PSD3: variants seen among roughly 807,000 people sequenced by gnomAD.
The protein encoded by PSD3 is PH and SEC7 domain-containing protein 3.
In PSD3, 49 loss-of-function variants were observed where a neutral mutation model predicts 105.5. The ratio of observed to expected loss-of-function variants is 0.46; its 90% confidence interval spans 0.37 to 0.59. The LOEUF (loss-of-function observed/expected upper bound fraction) is 0.59. Ranked by LOEUF, PSD3 falls within the 20% of genes least tolerant of loss-of-function variation. The pLI is 0.00. For synonymous variants in PSD3, 557 were observed against 457.8 expected, an observed-to-expected ratio of 1.22 and a Z score of -2.77; for missense variants, 1,561 against 1,263.8, an observed-to-expected ratio of 1.24 and a Z score of -3.57.
chr8:18,900,628 C>A (rs1417528356), intron 2 of PSD3, among the ~76,000 whole-genome samples: 1 of 149,024 alleles, frequency 6.7e-6, no homozygotes, highest in Non-Finnish European at 1.5e-5. Context: ...TACACAAAAA[C>A]CATGAGAGAC....
intron 8 of PSD3, among the ~76,000 whole-genome samples, chr8:18,779,330 C>G (rs990131096): frequency 6.6e-6 from 1 of 151,378 alleles, no homozygotes; most frequent in Non-Finnish European, 1.5e-5. Context: ...TTTGTGTCTT[C>G]TTTTTTAATC....
intron 8 of PSD3, among the ~76,000 whole-genome samples, chr8:18,797,337 G>T (rs886886720): frequency 5.3e-5 from 8 of 152,028 alleles, no homozygotes; most frequent in African/African-American, 1.9e-4. Flanking sequence ...CAGTAATTTT[G>T]CCACGACTGC....
At chr8:18,951,372 A>T (rs1295704374) in intron 1 of PSD3, among the ~76,000 whole-genome samples, 3 of 152,186 alleles carry the variant, frequency 2.0e-5, no homozygotes, top group Non-Finnish European at 4.4e-5. Context: ...ACCGCACTTC[A>T]GCCTGGGTGA....
intron 1 of PSD3, among the ~76,000 whole-genome samples, chr8:18,974,745 A>G (rs1247348113): frequency 6.6e-6 from 1 of 151,966 alleles, no homozygotes. Context: ...TTCAGAATCA[A>G]TGATCAGGCT....
At chr8:19,035,994 A>G (rs1362866963) in intron 1 of PSD3, among the ~76,000 whole-genome samples, 6 of 152,092 alleles carry the variant, frequency 3.9e-5, no homozygotes, top group Non-Finnish European at 8.8e-5. Flanking sequence ...GACTCAAGTG[A>G]TCTGCATGCC....
rs527584194 is a variant in PSD3 at position 18,641,293 on chromosome 8, C to T, written c.2217-8487G>A. ...GGAAGCAATGCTTGGGAACTGGTAT[C>T]CCTGGGCATCAGGGCCAGCTGAGTA... is the stretch of plus-strand genomic sequence containing the variant. On this transcript the variant is annotated intron_variant, in intron 10 of 15. Coordinates refer to ENST00000327040, the MANE Select transcript of PSD3 (RefSeq NM_015310.4). Among the ~76,000 whole-genome samples the T allele has an allele frequency of 2.0e-5, 3 of 152,264 alleles. No homozygotes were observed. In the East Asian group the frequency reaches 5.8e-4, roughly 29 times the overall value.
chr8:18,889,815 G>A (rs1818672456), intron 2 of PSD3, among the ~76,000 whole-genome samples: 1 of 152,104 alleles, frequency 6.6e-6, no homozygotes, highest in African/African-American at 2.4e-5. Flanking sequence ...ACAAAATTTT[G>A]GGAGGAACAA....
intron 4 of PSD3, among the ~76,000 whole-genome samples, chr8:18,837,924 C>CG (rs1814254238): frequency 1.8e-5 from 2 of 112,792 alleles, no homozygotes; most frequent in Non-Finnish European, 3.9e-5. Flanking sequence ...TTGAAGATGC[C>CG]AGTTGTCTAT....
intron 14 of PSD3, 67 bp from the exon 15 acceptor site, chr8:18,556,419 C>T: frequency 6.6e-7 from 1 of 1,508,358 alleles, no homozygotes. Flanking sequence ...GCACAGCATA[C>T]TTTAAAAAAT....
chr8:18,879,561 T>C (rs1332293657), intron 2 of PSD3, among the ~76,000 whole-genome samples: 3 of 152,176 alleles, frequency 2.0e-5, no homozygotes. Flanking sequence ...TCAGGGACAC[T>C]GAACCGTGAG....
chr8:18,790,571 G>A (rs1809621808), intron 8 of PSD3, among the ~76,000 whole-genome samples: 1 of 151,872 alleles, frequency 6.6e-6, no homozygotes, highest in Non-Finnish European at 1.5e-5. Flanking sequence ...CAAAGTGCTG[G>A]GATTACAGGC....
chr8:18,684,479 G>A (rs1008875396), intron 9 of PSD3, among the ~76,000 whole-genome samples: 13 of 152,110 alleles, frequency 8.5e-5, no homozygotes, highest in Admixed American at 3.9e-4. Flanking sequence ...ATGGATGGAC[G>A]TCAAAAGGCT....
intron 10 of PSD3, among the ~76,000 whole-genome samples, chr8:18,652,217 C>A (rs1469054775): frequency 6.6e-6 from 1 of 152,032 alleles, no homozygotes; most frequent in East Asian, 1.9e-4. Flanking sequence ...AATGCAAACA[C>A]TGAATTGAAA....
chr8:18,949,206 A>G (rs1437700553), intron 1 of PSD3, among the ~76,000 whole-genome samples: 1 of 96,666 alleles, frequency 1.0e-5, no homozygotes, highest in African/African-American at 3.6e-5. Flanking sequence ...TGGGCTACAG[A>G]TCGAGACTCT....
chr8:18,734,387 T>C lies in PSD3; in HGVS notation c.2172+31062A>G, dbSNP rs180727683. 2.0e-5 allele frequency: 3 copies of C among 152,336 alleles called. No individual in the cohort carries two copies. The East Asian group carries it at 5.8e-4, about 29-fold the overall frequency. The allele number at this position is 152,336 out of a possible 1,614,324, so 9.4% of individuals were successfully genotyped here. ...GTATGATTCTGATCTTTAATACAGA[T>C]TAAGACTCCCAAGTAAAAGTCCTTT... On this transcript the variant is annotated intron_variant, in intron 9 of 15. Transcript: ENST00000327040.
At chr8:18,980,316 G>A (rs1825186503) in intron 1 of PSD3, among the ~76,000 whole-genome samples, 2 of 152,108 alleles carry the variant, frequency 1.3e-5, no homozygotes, top group Admixed American at 6.6e-5. Flanking sequence ...CTAAGAATGT[G>A]GTGGCTTCCA....
chr8:18,819,922 G>A (rs1052529411), intron 4 of PSD3, among the ~76,000 whole-genome samples: 3 of 152,186 alleles, frequency 2.0e-5, no homozygotes, highest in African/African-American at 4.8e-5. Context: ...CTGGCAGCCA[G>A]GTGGCTGTCA....
At chr8:18,770,665 G>C (rs1807436305) in intron 8 of PSD3, among the ~76,000 whole-genome samples, 2 of 152,218 alleles carry the variant, frequency 1.3e-5, no homozygotes, top group Admixed American at 1.3e-4. Context: ...GCAACATCTG[G>C]GGAGGGGTGC....
At chr8:18,581,451 A>G (rs899182465) in intron 12 of PSD3, among the ~76,000 whole-genome samples, 5 of 152,110 alleles carry the variant, frequency 3.3e-5, no homozygotes, top group African/African-American at 4.8e-5. Context: ...AGACAGAAAC[A>G]CTGTACCATA....
Sources: allele counts gnomAD v4.1 joint callset (sites outside exome capture counted in the v4.1 genomes callset), GRCh38; gene constraint gnomAD v4.1.1; transcripts MANE v1.5; gene names NCBI Gene and HGNC (gene_info 2026-07-23, HGNC 2026-07-21).